Variants in INPP4A observed in about 807,000 individuals in gnomAD.
INPP4A encodes the protein inositol polyphosphate-4-phosphatase, type I, 107kD.
Under a neutral mutation model 119.8 loss-of-function variants are expected in INPP4A, and 33 were observed. The observed-to-expected ratio is 0.28, with a 90% CI of 0.21 to 0.37. The LOEUF (loss-of-function observed/expected upper bound fraction) is 0.37. INPP4A is among the 10% of genes least tolerant of loss of function. The pLI, the probability that INPP4A is intolerant of heterozygous loss-of-function variation, is 1.00. For synonymous variants in INPP4A, 496 were observed against 500.7 expected (o/e 0.99, Z 0.12); for missense variants, 956 against 1,289.9 (o/e 0.74, Z 3.97).
At chr2:98,482,284 G>A (rs2105060166) in intron 1 of INPP4A, among the ~76,000 whole-genome samples, 1 of 152,334 alleles carries the variant, frequency 6.6e-6, no homozygotes, top group Non-Finnish European at 1.5e-5. Flanking sequence ...TGAGACTCTG[G>A]AGATCTGGGT....
In INPP4A at chr2:98,566,281, C is replaced by T; in HGVS notation, c.2420+112C>T. On this transcript the variant is annotated intron_variant, in intron 21 of 24. Coordinates refer to ENST00000409851, the MANE Select transcript of INPP4A (RefSeq NM_001134225.2). This position sits in a 1 kb window ranked among gnomAD's most constrained non-coding sequence, Gnocchi z 4.2. ...TGCTGGACAGACTTTGTCATCCTTC[C>T]TTCCTTTGGCCAACATTTTCATCAT... 3 of 1,181,748 alleles carry T rather than the reference C, an allele frequency of 2.5e-6. No individual in the cohort carries two copies. The highest frequency in any genetic ancestry group is 3.6e-5 in the South Asian group (2 of 56,260). The allele number at this position is 1,181,748 out of a possible 1,614,324, so 73.2% of individuals were successfully genotyped here.
intron 11 of INPP4A, among the ~76,000 whole-genome samples, chr2:98,544,377 G>A (rs1692102888): frequency 6.6e-6 from 1 of 152,208 alleles, no homozygotes; most frequent in Non-Finnish European, 1.5e-5. Flanking sequence ...AGTATAGGAT[G>A]TACTAACAGA....
At chr2:98,485,593 G>A (rs761202601) in intron 1 of INPP4A, among the ~76,000 whole-genome samples, 2 of 152,078 alleles carry the variant, frequency 1.3e-5, no homozygotes, top group Admixed American at 1.3e-4. Context: ...CTCTCGCTTC[G>A]GGAACACTAA....
chr2:98,538,839 G>T, intron 8 of INPP4A, 52 bp from the exon 9 acceptor site: 1 of 1,019,860 alleles, frequency 9.8e-7, no homozygotes, highest in Non-Finnish European at 1.5e-6. Context: ...TGAATGTTCT[G>T]GAGTCATCTG....
chr2:98,546,148 C>A lies in INPP4A; in HGVS notation c.1054+75C>A. 9.9e-7 allele frequency: 1 copy of A among 1,010,242 alleles called. No homozygotes were observed. Among genetic ancestry groups the A allele is most frequent in the Non-Finnish European group, 1.5e-6 (1 of 660,826 alleles). 62.6% of individuals were successfully genotyped at this position (1,010,242 alleles called of 1,614,324 possible). A position where few individuals can be genotyped will look rare whatever the true frequency, so the allele number is the denominator to read the frequency against. ...TCTGTGGGTACTTGGTCCCTGAGTA[C>A]CCCACATCTGCCCATTTCCCTGTGT... On this transcript the variant is annotated intron_variant, in intron 12 of 24. Transcript: ENST00000409851. This position sits in a 1 kb window ranked among gnomAD's most constrained non-coding sequence, Gnocchi z 4.2.
intron 1 of INPP4A, among the ~76,000 whole-genome samples, chr2:98,487,945 A>C (rs1679894593): frequency 6.6e-6 from 1 of 152,186 alleles, no homozygotes; most frequent in South Asian, 2.1e-4. Flanking sequence ...TTCCTGTGGC[A>C]GTGTTACGTG....
chr2:98,589,997 C>T lies in INPP4A; in HGVS notation c.*2389C>T, dbSNP rs761699636. On this transcript the variant is annotated 3_prime_UTR_variant, in exon 25 of 25. Coordinates refer to ENST00000409851, the MANE Select transcript of INPP4A (RefSeq NM_001134225.2). ...ACAATTGTATTTGCCAAGCTTAGTG[C>T]ATTATGATACCTTTATTTATTTGTT... 2.2e-4 allele frequency: 42 copies of T among 191,130 alleles called. No individual in the cohort carries two copies. Among genetic ancestry groups the T allele is most frequent in the Non-Finnish European group, 4.0e-4 (37 of 91,386 alleles). 11.8% of individuals were successfully genotyped at this position (191,130 alleles called of 1,614,324 possible). A position where few individuals can be genotyped will look rare whatever the true frequency, so the allele number is the denominator to read the frequency against.
chr2:98,557,261 CT>C (rs1391072679), intron 16 of INPP4A, among the ~76,000 whole-genome samples: 2 of 152,176 alleles, frequency 1.3e-5, no homozygotes, highest in African/African-American at 4.8e-5. Flanking sequence ...TAAAAATCAG[CT>C]GTTGTAATAA....
intron 4 of INPP4A, among the ~76,000 whole-genome samples, chr2:98,532,150 A>G (rs1689355218): frequency 6.6e-6 from 1 of 152,188 alleles, no homozygotes; most frequent in Non-Finnish European, 1.5e-5. Context: ...CTTCCCAGGT[A>G]AACTCTCCTC....
Position 98,539,641 on chromosome 2 carries a change from T to G in INPP4A, c.784T>G (p.Phe262Val). The change falls in exon 10 of 25, where the codon TTC becomes GTC. Residue 262 changes from phenylalanine to valine, a missense_variant. By Grantham distance (50) the Phe-to-Val change is conservative. This residue lies in a region of INPP4A where 652 missense variants were observed against 797.9 expected (regional missense o/e 0.82). Transcript: ENST00000409851. The part of the protein sequence containing the change: ...SVLSLHVPRQ[F>V]VKLLLEEDAA... ...GCTCTCCCTGCACGTGCCCCGGCAG[T>G]TCGTGAAGCTCCTACTAGAGGAAGA... 1 of 1,610,264 alleles carries G rather than the reference T, an allele frequency of 6.2e-7. No homozygotes were observed. The highest frequency in any genetic ancestry group is 8.5e-7 in the Non-Finnish European group (1 of 1,178,316).
intron 1 of INPP4A, among the ~76,000 whole-genome samples, chr2:98,504,452 A>G (rs549509075): frequency 9.2e-5 from 14 of 152,340 alleles, no homozygotes; most frequent in African/African-American, 3.1e-4. Context: ...TTGTGTTTCC[A>G]TGGGACCTAG....
At chr2:98,526,724 A>C (rs1050491555) in intron 4 of INPP4A, among the ~76,000 whole-genome samples, 6 of 152,242 alleles carry the variant, frequency 3.9e-5, no homozygotes, top group Non-Finnish European at 7.3e-5. Flanking sequence ...AAGAAGTTTA[A>C]TTGGCTCATG....
At chr2:98,525,222 C>T (rs1295560413) in intron 4 of INPP4A, among the ~76,000 whole-genome samples, 2 of 152,218 alleles carry the variant, frequency 1.3e-5, no homozygotes, top group African/African-American at 4.8e-5. Context: ...TGTGGACTTA[C>T]AGTCCTCTTC....
chr2:98,530,392 C>T (rs3769715), intron 4 of INPP4A, among the ~76,000 whole-genome samples: 36,614 of 151,802 alleles, frequency 0.24, 4,577 homozygotes, highest in Middle Eastern at 0.32. Context: ...GACAGTGTCT[C>T]AGTGAGAAGT....
intron 10 of INPP4A, among the ~76,000 whole-genome samples, chr2:98,542,299 T>A (rs1691620842): frequency 6.6e-6 from 1 of 152,272 alleles, no homozygotes; most frequent in South Asian, 2.1e-4. Flanking sequence ...TATATTAATT[T>A]TGCTATTTTA....
At chr2:98,496,803 G>T (rs975925197) in intron 1 of INPP4A, among the ~76,000 whole-genome samples, 7 of 152,200 alleles carry the variant, frequency 4.6e-5, no homozygotes, top group African/African-American at 1.7e-4. Flanking sequence ...TGCAAATTAA[G>T]GAAACAGCTG....
At chr2:98,584,871 G>A (rs532195795) in intron 24 of INPP4A, among the ~76,000 whole-genome samples, 22 of 152,324 alleles carry the variant, frequency 1.4e-4, no homozygotes, top group South Asian at 4.1e-4. Flanking sequence ...GGCCAAATAC[G>A]TATGCAAAAT....
intron 17 of INPP4A, among the ~76,000 whole-genome samples, chr2:98,562,786 G>A (rs958581214): frequency 2.0e-4 from 30 of 150,716 alleles, no homozygotes; most frequent in African/African-American, 7.1e-4. Context: ...AAGTTGTTTT[G>A]GTATAGGGTC....
chr2:98,471,114 G>C (rs1675919661), intron 1 of INPP4A, among the ~76,000 whole-genome samples: 1 of 152,208 alleles, frequency 6.6e-6, no homozygotes, highest in Non-Finnish European at 1.5e-5. Context: ...CACTAAAATA[G>C]TTTTAGCTGA....
Sources: gnomAD v4.1 joint callset for allele counts (sites outside exome capture counted in the v4.1 genomes callset) on GRCh38, gnomAD v4.1.1 for gene constraint, gnomAD v4.1.1 regional missense constraint, Gnocchi (gnomAD v3.1) non-coding constraint, MANE v1.5 for transcripts, NCBI Gene and HGNC (gene_info 2026-07-23, HGNC 2026-07-21) for gene names.